Variants in ST18 observed in about 807,000 individuals in gnomAD.
ST18 encodes the protein ST18 C2H2C-type zinc finger transcription factor.
ST18 carries 50 observed loss-of-function variants against 110.0 expected under a neutral mutation model. That is an observed-to-expected ratio of 0.45 (90% CI 0.36 to 0.58). The LOEUF is 0.58. ST18 is among the 20% of genes least tolerant of loss of function. The pLI, the probability that ST18 is intolerant of heterozygous loss-of-function variation, is 0.00. For synonymous variants in ST18, 461 were observed against 452.4 expected (o/e 1.02, Z -0.24); for missense variants, 1,306 against 1,280.1 (o/e 1.02, Z -0.31).
chr8:52,165,242 AC>A lies in ST18; in HGVS notation c.1205-18del. The A allele has an allele frequency of 6.2e-7, 1 of 1,613,226 alleles. No individual in the cohort carries two copies. Among genetic ancestry groups the A allele is most frequent in the Non-Finnish European group, 8.5e-7 (1 of 1,179,276 alleles). ...TGGCAAGAACTAAGCACAAAACAAC[AC>A]ATAAAGGAAAGAATACTTTACCATA... On this transcript the variant is annotated intron_variant, in intron 11 of 25. Transcript: ENST00000689386.
At chr8:52,382,256 C>T (rs1017422582) in intron 2 of ST18, among the ~76,000 whole-genome samples, 5 of 152,270 alleles carry the variant, frequency 3.3e-5, no homozygotes, top group Middle Eastern at 3.4e-3. Context: ...CAGTACAAAG[C>T]TTCTCATAAA....
intron 8 of ST18, among the ~76,000 whole-genome samples, chr8:52,191,778 G>T (rs962905609): frequency 1.3e-5 from 2 of 152,116 alleles, no homozygotes; most frequent in Non-Finnish European, 2.9e-5. Flanking sequence ...AGAGAAAAGT[G>T]CCTGAGGTAA....
chr8:52,348,642 G>A (rs1818834869), intron 2 of ST18, among the ~76,000 whole-genome samples: 1 of 152,102 alleles, frequency 6.6e-6, no homozygotes, highest in African/African-American at 2.4e-5. Context: ...TACTCGGGAG[G>A]CTGAGGTAGA....
Position 52,159,109 on chromosome 8 carries a change from G to A in ST18, c.1595C>T (p.Ser532Leu). 6.2e-7 allele frequency: 1 copy of A among 1,613,412 alleles called. No individual in the cohort carries two copies. ...TTTCACTGGATTTGGAAAATGCTTT[G>A]CTGTTGAAGAGAGATTTGATTAGCA... is the stretch of plus-strand genomic sequence containing the variant. ...QGRKTPPFPE[S>L]KHFPNPVKFP... The change falls in exon 15 of 26, where the codon TCA becomes TTA. Residue 532 changes from serine to leucine, a missense_variant and splice_region_variant. Physicochemically the swap from Ser to Leu is moderately radical, Grantham distance 145. Transcript: ENST00000689386.
intron 2 of ST18, among the ~76,000 whole-genome samples, chr8:52,380,428 G>T (rs185132957): frequency 1.3e-3 from 202 of 152,082 alleles, no homozygotes; most frequent in Middle Eastern, 0.01. Context: ...GTTAAGTTTG[G>T]GGGGAGTGGA....
At chr8:52,128,067 C>T (rs10113405) in intron 22 of ST18, among the ~76,000 whole-genome samples, 13 of 152,016 alleles carry the variant, frequency 8.6e-5, no homozygotes, top group African/African-American at 2.9e-4. Flanking sequence ...CTCCTGGGCT[C>T]AAGAAATTCT....
In ST18 at chr8:52,214,203, C is replaced by T. The variant is rs200539085; in HGVS notation, c.55G>A (p.Val19Met). 6.2e-7 allele frequency: 1 copy of T among 1,613,946 alleles called. No individual in the cohort carries two copies. The highest frequency in any genetic ancestry group is 1.3e-5 in the African/African-American group (1 of 74,900). ...TCATAGAACCTGCTTGCTAACTCAC[C>T]CTCGGTTCCTTTAGAGCGAGTACGC... ...TLRTRSKGTE[V>M]PMDSLIQELS... Residue 19 changes from valine (V) to methionine (M), a missense_variant and splice_region_variant, in exon 7 of 26, where the codon GTG (valine) becomes ATG (methionine). Val to Met is a conservative substitution (Grantham distance 21). Transcript: ENST00000689386.
chr8:52,205,093 A>G (rs566512130), intron 8 of ST18, among the ~76,000 whole-genome samples: 1 of 144,790 alleles, frequency 6.9e-6, no homozygotes, highest in Non-Finnish European at 1.5e-5. Context: ...ATATACATAT[A>G]TATATACACA....
At chr8:52,279,445 C>A (rs1270485501) in intron 2 of ST18, among the ~76,000 whole-genome samples, 1 of 151,960 alleles carries the variant, frequency 6.6e-6, no homozygotes, top group Non-Finnish European at 1.5e-5. Context: ...TAACTTACAT[C>A]TAATGGAAAT....
chr8:52,128,003 C>A (rs2047762355), intron 22 of ST18, among the ~76,000 whole-genome samples: 1 of 151,748 alleles, frequency 6.6e-6, no homozygotes, highest in Non-Finnish European at 1.5e-5. Context: ...GGGGTCTCAC[C>A]AAGCCACCCA....
chr8:52,202,898 A>C (rs1174633735), intron 8 of ST18, among the ~76,000 whole-genome samples: 1 of 152,202 alleles, frequency 6.6e-6, no homozygotes, highest in East Asian at 1.9e-4. Context: ...AAGGAGAAGA[A>C]ACTAAACAAG....
Position 52,133,276 on chromosome 8 carries a change from A to T in ST18, c.2326T>A (p.Ser776Thr). ...LKCPTPGCDG[S>T]GHVTGNYASH... ...GCATAGTTTCCAGTCACGTGCCCCG[A>T]GCCATCGCAGCCTGGGGTTGGACAC... The change falls in exon 20 of 26, where the codon TCG becomes ACG. Residue 776 changes from serine to threonine, a missense_variant. By Grantham distance (58) the Ser-to-Thr change is moderately conservative. Transcript: ENST00000689386. The T allele has an allele frequency of 6.2e-7, 1 of 1,614,148 alleles. No individual in the cohort carries two copies. The highest frequency in any genetic ancestry group is 8.5e-7 in the Non-Finnish European group (1 of 1,180,026).
chr8:52,334,664 C>A (rs893806785), intron 2 of ST18, among the ~76,000 whole-genome samples: 3 of 152,050 alleles, frequency 2.0e-5, no homozygotes, highest in Admixed American at 6.6e-5. Context: ...TGTCTCTCTG[C>A]CCAAAAATCA....
intron 2 of ST18, among the ~76,000 whole-genome samples, chr8:52,262,161 C>T (rs1469835526): frequency 6.6e-6 from 1 of 152,152 alleles, no homozygotes; most frequent in Admixed American, 6.6e-5. Context: ...AAAACAAAGC[C>T]ACTCCAGTGA....
chr8:52,406,724 T>C (rs1382302042), intron 2 of ST18: 1 of 152,220 alleles, frequency 6.6e-6, no homozygotes, highest in Non-Finnish European at 1.5e-5. Flanking sequence ...CTTTGGTGTT[T>C]TTCCTTTTGC....
At chr8:52,216,907 G>T (rs2084494293) in intron 6 of ST18, among the ~76,000 whole-genome samples, 1 of 152,170 alleles carries the variant, frequency 6.6e-6, no homozygotes, top group Non-Finnish European at 1.5e-5. Context: ...TCAGGCCCCT[G>T]GGGTGGGGTG....
Position 52,165,067 on chromosome 8 carries a change from A to T in ST18, c.1295+68T>A, listed in dbSNP as rs2062506717. The stretch of plus-strand genomic sequence containing the variant: ...TTTCATCACACATTGGTAACCCATT[A>T]TTTTATTGGTGGAACGTTTCTACCA... On this transcript the variant is annotated intron_variant, in intron 12 of 25. Transcript: ENST00000689386. The T allele has an allele frequency of 2.0e-6, 3 of 1,491,962 alleles. No homozygotes were observed. In the Admixed American group the frequency reaches 5.0e-5, roughly 25 times the overall value. The allele number at this position is 1,491,962 out of a possible 1,614,324, so 92.4% of individuals were successfully genotyped here.
At chr8:52,269,891 C>T (rs2095013510) in intron 2 of ST18, among the ~76,000 whole-genome samples, 1 of 152,164 alleles carries the variant, frequency 6.6e-6, no homozygotes, top group Admixed American at 6.5e-5. Flanking sequence ...TTCTCTCTTT[C>T]AAGTTCAGGG....
At position 52,318,417 on chromosome 8, in the gene ST18, T is replaced by C. The variant is rs184633282; in HGVS notation, c.-464-88340A>G. Among the ~76,000 whole-genome samples the C allele has an allele frequency of 2.2e-3, 330 of 152,228 alleles. 1 individual carries two copies. The highest frequency in any genetic ancestry group is 4.0e-3 in the Non-Finnish European group (273 of 68,004). ...AAAACAGCAGATGCTGGCAACGTTGTGGAGAAAAAGGAACGCTTTTACACT... is the reference window on the plus strand; with the variant it reads ...AAAACAGCAGATGCTGGCAACGTTGCGGAGAAAAAGGAACGCTTTTACACT... On this transcript the variant is annotated intron_variant, in intron 2 of 25. Transcript: ENST00000689386.
Sources: gnomAD v4.1 joint callset for allele counts (sites outside exome capture counted in the v4.1 genomes callset) on GRCh38, gnomAD v4.1.1 for gene constraint, MANE v1.5 for transcripts, NCBI Gene and HGNC (gene_info 2026-07-23, HGNC 2026-07-21) for gene names.